The following PLD1 variants were observed in gnomAD, a reference collection of about 807,000 sequenced individuals.
PLD1 encodes the protein phospholipase D1.
PLD1 carries 112 observed loss-of-function variants against 137.1 expected under a neutral mutation model. That is an observed-to-expected ratio of 0.82 (90% CI 0.70 to 0.96). PLD1 has a LOEUF of 0.96. PLD1 is among the 40% of genes least tolerant of loss of function. The probability of loss-of-function intolerance (pLI) is 0.00; values close to 1 mark genes in which losing one functional copy is unlikely to be tolerated. For missense variants in PLD1, 1,321 were observed against 1,342.0 expected (o/e 0.98, Z 0.24); for synonymous variants, 431 against 454.7 (o/e 0.95, Z 0.66).
intron 1 of PLD1, among the ~76,000 whole-genome samples, chr3:171,743,551 C>T (rs1476257772): frequency 6.6e-6 from 1 of 152,184 alleles, no homozygotes; most frequent in Non-Finnish European, 1.5e-5. Context: ...GCAATCCTTC[C>T]TTGGCATCCC....
At chr3:171,760,679 A>G (rs991612999) in intron 1 of PLD1, among the ~76,000 whole-genome samples, 6 of 152,208 alleles carry the variant, frequency 3.9e-5, no homozygotes. Flanking sequence ...CTGGAGACAC[A>G]TGTTAATTAC....
intron 19 of PLD1, among the ~76,000 whole-genome samples, chr3:171,668,481 T>C (rs1008903275): frequency 1.3e-5 from 2 of 152,120 alleles, no homozygotes; most frequent in East Asian, 1.9e-4. Context: ...GTGAAAACAA[T>C]TTTTTTTCAG....
At chr3:171,764,013 A>C (rs1362537268) in intron 1 of PLD1, among the ~76,000 whole-genome samples, 1 of 152,108 alleles carries the variant, frequency 6.6e-6, no homozygotes, top group African/African-American at 2.4e-5. Context: ...ATATAATTTC[A>C]TACATCATTA....
Position 171,708,745 on chromosome 3 carries a change from A to C in PLD1, c.1145+10T>G. 6.6e-7 allele frequency: 1 copy of C among 1,507,154 alleles called. No individual in the cohort carries two copies. The highest frequency in any genetic ancestry group is 9.2e-7 in the Non-Finnish European group (1 of 1,082,430). The allele number at this position is 1,507,154 out of a possible 1,614,324, so 93.4% of individuals were successfully genotyped here. ...CTTCCAGAAAAAAATTCCCAGGGAC[A>C]AATACTAACCACCAGTCTGTGATAA... On this transcript the variant is annotated intron_variant, in intron 11 of 26. Coordinates refer to ENST00000351298, the MANE Select transcript of PLD1 (RefSeq NM_002662.5).
At chr3:171,732,133 C>T (rs1031660591) in intron 6 of PLD1, among the ~76,000 whole-genome samples, 2 of 152,140 alleles carry the variant, frequency 1.3e-5, no homozygotes, top group African/African-American at 4.8e-5. Flanking sequence ...AAATAGTTGT[C>T]TGTTAAAGAA....
chr3:171,664,313 A>G (rs1185313340), intron 19 of PLD1, among the ~76,000 whole-genome samples: 1 of 152,244 alleles, frequency 6.6e-6, no homozygotes, highest in Non-Finnish European at 1.5e-5. Context: ...ACTCAAATTA[A>G]TGTTTAATTT....
chr3:171,720,293 CAAAA>C (rs752618596), intron 8 of PLD1, among the ~76,000 whole-genome samples: 2 of 67,916 alleles, frequency 2.9e-5, no homozygotes, highest in Admixed American at 1.9e-4. Flanking sequence ...GACCCTGTCT[CAAAA>C]AAAAAAAAAA....
chr3:171,652,764 C>CTTTT (rs1489326458), intron 21 of PLD1, among the ~76,000 whole-genome samples: 1 of 112,670 alleles, frequency 8.9e-6, no homozygotes, highest in Non-Finnish European at 1.8e-5. Context: ...GCACACTCAG[C>CTTTT]TATTTTTTTT....
intron 8 of PLD1, among the ~76,000 whole-genome samples, chr3:171,717,583 T>C (rs957228201): frequency 1.3e-5 from 2 of 152,244 alleles, no homozygotes; most frequent in Admixed American, 1.3e-4. Flanking sequence ...TTTTGTATCC[T>C]GAAACATTGC....
chr3:171,673,427 G>A (rs189174617), intron 19 of PLD1, among the ~76,000 whole-genome samples: 66 of 151,902 alleles, frequency 4.3e-4, no homozygotes, highest in African/African-American at 1.6e-3. Flanking sequence ...GATTACAGGC[G>A]CACGCTACCA....
At chr3:171,608,886 A>G (rs920602476) in intron 25 of PLD1, among the ~76,000 whole-genome samples, 2 of 152,176 alleles carry the variant, frequency 1.3e-5, no homozygotes, top group Admixed American at 6.5e-5. Context: ...GAAAAAAAAG[A>G]AAAAAACAGA....
At chr3:171,778,942 C>T (rs543993809) in intron 1 of PLD1, among the ~76,000 whole-genome samples, 1 of 152,172 alleles carries the variant, frequency 6.6e-6, no homozygotes, top group African/African-American at 2.4e-5. Flanking sequence ...AATCCCAGCA[C>T]TTTGGGAGGC....
chr3:171,680,108 T>G (rs918503517), intron 16 of PLD1, among the ~76,000 whole-genome samples: 1 of 152,104 alleles, frequency 6.6e-6, no homozygotes. Flanking sequence ...CTCCTCCTTC[T>G]ATTCTCATCT....
At chr3:171,656,789 A>G (rs749587354) in intron 21 of PLD1, among the ~76,000 whole-genome samples, 33 of 152,226 alleles carry the variant, frequency 2.2e-4, no homozygotes, top group Non-Finnish European at 3.8e-4. Context: ...CCCATCAGCT[A>G]CTGAGCATGT....
chr3:171,709,512 A>AGGCCAGTGAATTTAGGCCAGTGAAT, intron 10 of PLD1, 48 bp downstream of exon 10: 2 of 1,558,466 alleles, frequency 1.3e-6, no homozygotes, highest in Non-Finnish European at 1.8e-6. Flanking sequence ...CCAGTGTAAT[A>AGGCCAGTGAATTTAGGCCAGTGAAT]TTAGATGCTA....
chr3:171,677,640 G>A lies in PLD1; in HGVS notation c.1922C>T (p.Thr641Ile). Residue 641 changes from threonine to isoleucine, a missense_variant, in exon 17 of 27, where the codon ACC (threonine) becomes ATC (isoleucine). Transcript: ENST00000351298. ...GTAGTCCTTTCCATGCCAGAATCTG[G>A]TTTCCCCATGCAGCTCTCCCACACC... is the stretch of plus-strand genomic sequence containing the variant. ...QTGVGELHGETRFWHGKDYCN... is the reference protein window; with the variant it reads ...QTGVGELHGEIRFWHGKDYCN... 1 of 1,613,894 alleles carries A rather than the reference G, an allele frequency of 6.2e-7. No homozygotes were observed. Among genetic ancestry groups the A allele is most frequent in the East Asian group, 2.2e-5 (1 of 44,878 alleles).
At chr3:171,636,765 T>C (rs993781562) in intron 23 of PLD1, among the ~76,000 whole-genome samples, 1 of 152,146 alleles carries the variant, frequency 6.6e-6, no homozygotes, top group East Asian at 1.9e-4. Flanking sequence ...TATATTTTTC[T>C]TGCTCAACTG....
chr3:171,760,790 T>C (rs2108306854), intron 1 of PLD1, among the ~76,000 whole-genome samples: 1 of 152,094 alleles, frequency 6.6e-6, no homozygotes, highest in East Asian at 1.9e-4. Flanking sequence ...CATGCATGAG[T>C]TTTCCACAAG....
At chr3:171,777,155 A>T (rs1222525435) in intron 1 of PLD1, among the ~76,000 whole-genome samples, 2 of 152,186 alleles carry the variant, frequency 1.3e-5, no homozygotes, top group Non-Finnish European at 2.9e-5. Flanking sequence ...TTAATTTCCA[A>T]GTTTCTCTAT....
Sources: gnomAD v4.1 joint callset for allele counts (sites outside exome capture counted in the v4.1 genomes callset) on GRCh38, gnomAD v4.1.1 for gene constraint, MANE v1.5 for transcripts, NCBI Gene and HGNC (gene_info 2026-07-23, HGNC 2026-07-21) for gene names.